The following PDE8B variants were observed in gnomAD, a reference collection of about 807,000 sequenced individuals.
PDE8B encodes phosphodiesterase 8B.
Under a neutral mutation model 101.3 loss-of-function variants are expected in PDE8B, and 26 were observed. The ratio of observed to expected loss-of-function variants is 0.26; its 90% CI spans 0.19 to 0.36. PDE8B has a LOEUF of 0.36. Ranked by LOEUF, PDE8B falls within the 10% of genes least tolerant of loss-of-function variation. The pLI, the probability that PDE8B is intolerant of heterozygous loss-of-function variation, is 1.00. For missense variants in PDE8B, 810 were observed against 1,163.1 expected (o/e 0.70, Z 4.42); for synonymous variants, 424 against 429.3 (o/e 0.99, Z 0.15).
chr5:77,422,440 G>T (rs912008124), intron 20 of PDE8B, among the ~76,000 whole-genome samples: 1 of 152,154 alleles, frequency 6.6e-6, no homozygotes, highest in African/African-American at 2.4e-5. Flanking sequence ...TCTCAAGGAA[G>T]TTTATGTTAA....
At chr5:77,371,426 T>C (rs1011236467) in intron 10 of PDE8B, among the ~76,000 whole-genome samples, 3 of 152,222 alleles carry the variant, frequency 2.0e-5, no homozygotes, top group Non-Finnish European at 4.4e-5. Context: ...GTATGTAATA[T>C]TGATCTGTTT....
At chr5:77,263,931 C>T (rs945559906) in intron 1 of PDE8B, among the ~76,000 whole-genome samples, 3 of 152,106 alleles carry the variant, frequency 2.0e-5, no homozygotes, top group African/African-American at 7.2e-5. Context: ...CAGTCACTAC[C>T]CATTTTCTCT....
intron 10 of PDE8B, among the ~76,000 whole-genome samples, chr5:77,382,088 A>G (rs1361162469): frequency 6.6e-6 from 1 of 152,206 alleles, no homozygotes; most frequent in Non-Finnish European, 1.5e-5. Flanking sequence ...ACTCAGTTGA[A>G]CATACAATTT....
chr5:77,115,638 C>A, the PDE8B span, among the ~76,000 whole-genome samples: 1 of 152,052 alleles, frequency 6.6e-6, no homozygotes, highest in Non-Finnish European at 1.5e-5. Context: ...AAAGAAAGAA[C>A]CTGAAGGACC....
At chr5:77,302,246 A>G (rs1348267110) in intron 1 of PDE8B, among the ~76,000 whole-genome samples, 1 of 152,150 alleles carries the variant, frequency 6.6e-6, no homozygotes. Context: ...TGGCCTCTTT[A>G]TCTTTTCTCA....
the PDE8B span, chr5:77,152,107 C>T: frequency 6.6e-6 from 1 of 151,908 alleles, no homozygotes; most frequent in Admixed American, 6.6e-5. Flanking sequence ...AGGGGTAGAG[C>T]CCAATGCTGG....
the PDE8B span, among the ~76,000 whole-genome samples, chr5:77,185,170 C>T: frequency 2.0e-5 from 3 of 152,216 alleles, no homozygotes; most frequent in African/African-American, 4.8e-5. Context: ...AAATGCTTTT[C>T]AGTGTGTCCA....
In PDE8B at chr5:77,231,716, T is replaced by C. The variant is rs146145689; in HGVS notation, c.339+20452T>C. On this transcript the variant is annotated intron_variant, in intron 1 of 21. Coordinates refer to ENST00000264917, the MANE Select transcript of PDE8B (RefSeq NM_003719.5). ...GGTTCTGCTTACAGAGGTGTGAGCA[T>C]AGATAAGGAAAGACAAGGGACAATG... Among the ~76,000 whole-genome samples, 424 of 152,270 alleles carry C rather than the reference T, an allele frequency of 2.8e-3. 2 individuals are homozygous for C. Among genetic ancestry groups the C allele is most frequent in the African/African-American group, 8.0e-3 (331 of 41,544 alleles).
In PDE8B at chr5:77,328,994, G is replaced by T; in HGVS notation, c.591-4G>T. On this transcript the variant is annotated splice_region_variant and splice_polypyrimidine_tract_variant and intron_variant, in intron 3 of 21. Coordinates refer to ENST00000264917, the MANE Select transcript of PDE8B (RefSeq NM_003719.5). ...TTGTTTGACTTGGAGCCTTCTCATT[G>T]CAGGTCGATCCGGGCCACAAATCCC... is the stretch of plus-strand genomic sequence containing the variant. 1 of 1,613,680 alleles carries T rather than the reference G, an allele frequency of 6.2e-7. No individual in the cohort carries two copies. The highest frequency in any genetic ancestry group is 8.5e-7 in the Non-Finnish European group (1 of 1,179,602).
At chr5:77,247,759 G>A (rs1380704607) in intron 1 of PDE8B, among the ~76,000 whole-genome samples, 1 of 152,108 alleles carries the variant, frequency 6.6e-6, no homozygotes, top group Non-Finnish European at 1.5e-5. Flanking sequence ...CCAGTGTTCT[G>A]TAGAGATTTG....
chr5:77,167,655 A>G, the PDE8B span, among the ~76,000 whole-genome samples: 12 of 152,130 alleles, frequency 7.9e-5, no homozygotes, highest in African/African-American at 2.7e-4. Flanking sequence ...TGTCCCCTCA[A>G]TGTATGCTCA....
At chr5:77,278,188 C>T (rs529712612) in intron 1 of PDE8B, among the ~76,000 whole-genome samples, 5 of 152,254 alleles carry the variant, frequency 3.3e-5, no homozygotes, top group Non-Finnish European at 5.9e-5. Context: ...TATAGGTAAA[C>T]GTCTCCCAGC....
intron 4 of PDE8B, 92 bp from the exon 5 acceptor site, chr5:77,331,310 G>A (rs930547646): frequency 1.6e-5 from 18 of 1,122,270 alleles, no homozygotes; most frequent in East Asian, 2.3e-5. Context: ...TGGAGCTAAC[G>A]CTGTGTGGCC....
intron 1 of PDE8B, among the ~76,000 whole-genome samples, chr5:77,239,231 T>A (rs1021253196): frequency 2.0e-5 from 3 of 152,248 alleles, no homozygotes; most frequent in Non-Finnish European, 2.9e-5. Context: ...CCTGTTGGGT[T>A]CAGACCACAA....
At chr5:77,102,794 C>A in the PDE8B span, among the ~76,000 whole-genome samples, 1 of 152,198 alleles carries the variant, frequency 6.6e-6, no homozygotes, top group Non-Finnish European at 1.5e-5. Flanking sequence ...CTGCCAGCCA[C>A]GCCTAGGCTC....
chr5:77,167,866 A>C, the PDE8B span, among the ~76,000 whole-genome samples: 1 of 152,096 alleles, frequency 6.6e-6, no homozygotes, highest in African/African-American at 2.4e-5. Context: ...GGGAGTCTTG[A>C]GGGAGAAACA....
intron 1 of PDE8B, chr5:77,290,293 C>A: frequency 6.4e-7 from 1 of 1,552,818 alleles, no homozygotes; most frequent in Non-Finnish European, 8.8e-7. Context: ...ATCAATCAGC[C>A]CCAGTATGCA....
chr5:77,292,474 C>T (rs186353820), intron 1 of PDE8B, among the ~76,000 whole-genome samples: 1 of 152,336 alleles, frequency 6.6e-6, no homozygotes, highest in East Asian at 1.9e-4. Flanking sequence ...GTCACTCAGA[C>T]AGTGTTCCTC....
At position 77,266,755 on chromosome 5, in the gene PDE8B, A is replaced by G. The variant is rs183487455; in HGVS notation, c.340-45239A>G. The stretch of plus-strand genomic sequence containing the variant: ...ACTTGATAAAACATAACTACCTTGC[A>G]TAAAGAGAATCAACTGTATGTCTTT... On this transcript the variant is annotated intron_variant, in intron 1 of 21. Transcript: ENST00000264917. Among the ~76,000 whole-genome samples, 388 of 152,336 alleles carry G rather than the reference A, an allele frequency of 2.5e-3. 6 individuals carry two copies. The highest frequency in any genetic ancestry group is 0.024 in the Admixed American group (367 of 15,306).
Sources: allele counts gnomAD v4.1 joint callset (sites outside exome capture counted in the v4.1 genomes callset), GRCh38; gene constraint gnomAD v4.1.1; transcripts MANE v1.5; gene names NCBI Gene and HGNC (gene_info 2026-07-23, HGNC 2026-07-21).